The following LOC400499 variants were observed in gnomAD, a reference collection of about 807,000 sequenced individuals.
At chr16:11,486,271 AGG>A in the LOC400499 span, among the ~76,000 whole-genome samples, 1 of 48,192 alleles carries the variant, frequency 2.1e-5, no homozygotes, top group Non-Finnish European at 3.8e-5. Flanking sequence ...GGATGGATGG[AGG>A]GATGGATGGA....
At chr16:11,381,009 A>G in the LOC400499 span, 5 of 154,326 alleles carry the variant, frequency 3.2e-5, no homozygotes, top group African/African-American at 7.2e-5. Flanking sequence ...AAGTTGTCCT[A>G]TATTCTCACC....
chr16:11,396,777 G>A, the LOC400499 span: 6 of 953,148 alleles, frequency 6.3e-6, no homozygotes, highest in African/African-American at 8.5e-5. Flanking sequence ...CCACCTCCCA[G>A]CCTCCACACC....
At chr16:11,396,140 C>T in the LOC400499 span, among the ~76,000 whole-genome samples, 1 of 152,230 alleles carries the variant, frequency 6.6e-6, no homozygotes. Context: ...AATATTAACC[C>T]CATGGGAGAT....
chr16:11,451,472 G>C, the LOC400499 span, among the ~76,000 whole-genome samples: 4 of 152,066 alleles, frequency 2.6e-5, no homozygotes, highest in African/African-American at 9.7e-5. Flanking sequence ...CCAGCTACTT[G>C]GGAGGCTGAG....
chr16:11,478,647 G>A, the LOC400499 span: 8 of 399,162 alleles, frequency 2.0e-5, no homozygotes, highest in African/African-American at 1.2e-4. Context: ...CGCTCAGCTC[G>A]CATCGCAGAG....
At chr16:11,418,021 A>T in the LOC400499 span, among the ~76,000 whole-genome samples, 2 of 152,188 alleles carry the variant, frequency 1.3e-5, no homozygotes, top group Non-Finnish European at 2.9e-5. Context: ...CCAGCTAATT[A>T]CACATGCACC....
chr16:11,419,224 A>T, the LOC400499 span, among the ~76,000 whole-genome samples: 1 of 152,048 alleles, frequency 6.6e-6, no homozygotes, highest in Non-Finnish European at 1.5e-5. Context: ...AGTAACCAAA[A>T]CAGCATGGTA....
At chr16:11,508,889 T>TG in the LOC400499 span, 2 of 398,970 alleles carry the variant, frequency 5.0e-6, no homozygotes. Context: ...GATGACCATA[T>TG]GGGGAAATGC....
At chr16:11,388,848 C>T in the LOC400499 span, among the ~76,000 whole-genome samples, 1 of 152,190 alleles carries the variant, frequency 6.6e-6, no homozygotes, top group African/African-American at 2.4e-5. Flanking sequence ...ATAATCCCAG[C>T]ACTTTGAGAG....
At chr16:11,469,382 G>A in the LOC400499 span, 1 of 398,872 alleles carries the variant, frequency 2.5e-6, no homozygotes, top group East Asian at 3.6e-5. Flanking sequence ...TGTAAAATGG[G>A]GCTGGATTTA....
At chr16:11,387,116 C>G in the LOC400499 span, 264,040 of 1,232,142 alleles carry the variant, frequency 0.21, 29,274 homozygotes, top group Non-Finnish European at 0.23. Context: ...CTCACATTCC[C>G]AGGGGCCCGC....
chr16:11,496,888 ATGTGTGTGTGTGTG>A, the LOC400499 span, among the ~76,000 whole-genome samples: 7,680 of 144,294 alleles, frequency 0.053, 331 homozygotes, highest in East Asian at 0.18. Flanking sequence ...GTATGCCTCA[ATGTGTGTGTGTGTG>A]TGTGTGTGTG....
At chr16:11,456,357 A>G in the LOC400499 span, among the ~76,000 whole-genome samples, 1 of 151,534 alleles carries the variant, frequency 6.6e-6, no homozygotes, top group African/African-American at 2.4e-5. Flanking sequence ...CGGTGGATTC[A>G]TTTTTTAAAA....
chr16:11,378,225 C>T, the LOC400499 span, among the ~76,000 whole-genome samples: 36 of 145,388 alleles, frequency 2.5e-4, no homozygotes, highest in Admixed American at 5.0e-4. Context: ...AACAGTGTCA[C>T]TGTGCCTGGC....
the LOC400499 span, among the ~76,000 whole-genome samples, chr16:11,411,729 C>T: frequency 1.3e-5 from 2 of 152,146 alleles, no homozygotes; most frequent in African/African-American, 4.8e-5. Context: ...CCATGGGAGT[C>T]CCAGCAGGGT....
At chr16:11,521,988 GA>G in the LOC400499 span, 4 of 399,224 alleles carry the variant, frequency 1.0e-5, no homozygotes, top group African/African-American at 8.2e-5. Context: ...GCACATCAAG[GA>G]CAGCCAAGCC....
chr16:11,483,577 G>A, the LOC400499 span, among the ~76,000 whole-genome samples: 1 of 151,930 alleles, frequency 6.6e-6, no homozygotes, highest in South Asian at 2.1e-4. Flanking sequence ...TTTTAAAAAG[G>A]ACATGTTGGC....
At chr16:11,447,681 C>T in the LOC400499 span, among the ~76,000 whole-genome samples, 1 of 151,968 alleles carries the variant, frequency 6.6e-6, no homozygotes, top group African/African-American at 2.4e-5. Flanking sequence ...GAGAAGACGC[C>T]CCAAGCAGCT....
At chr16:11,486,186 AAATGATGGGTGGGT>A in the LOC400499 span, among the ~76,000 whole-genome samples, 1 of 117,022 alleles carries the variant, frequency 8.5e-6, no homozygotes, top group Middle Eastern at 5.1e-3. Flanking sequence ...GTGGGCGGAT[AAATGATGGGTGGGT>A]GGATGAATGG....
Sources: allele counts gnomAD v4.1 joint callset (sites outside exome capture counted in the v4.1 genomes callset), GRCh38; gene constraint gnomAD v4.1.1; transcripts MANE v1.5.